Variants in MFRP observed in about 807,000 individuals in gnomAD.
MFRP encodes membrane frizzled-related protein, also known as C1q and TNF related 5.
In MFRP, 74 loss-of-function variants were observed where a neutral mutation model predicts 65.8. The observed-to-expected ratio is 1.12, with a 90% CI of 0.93 to 1.36. The LOEUF (loss-of-function observed/expected upper bound fraction) is 1.36. Among genes scored for constraint, MFRP ranks in the 40% most tolerant of loss-of-function variants. The pLI, the probability that MFRP is intolerant of heterozygous loss-of-function variation, is 0.00. For synonymous variants in MFRP, 336 were observed against 288.3 expected (o/e 1.17, Z -1.68); for missense variants, 838 against 736.0 (o/e 1.14, Z -1.60).
chr11:119,340,146 G>T, intron 14 of MFRP, 38 bp downstream of exon 14: 1 of 1,502,672 alleles, frequency 6.7e-7, no homozygotes, highest in African/African-American at 1.5e-5. Context: ...GCGCCTGCTC[G>T]GACATCGCCA....
Position 119,342,710 on chromosome 11 carries a change from C to T in MFRP, c.1273G>A (p.Glu425Lys). Residue 425 changes from glutamate (E) to lysine (K), a missense_variant, in exon 11 of 15, where the codon GAG (glutamate) becomes AAG (lysine). Physicochemically the swap from Glu to Lys is moderately conservative, Grantham distance 56 (BLOSUM62 1). Transcript: ENST00000619721. Reference sequence around the variant, plus strand: ...CACCCTCCTGCCTGGCAGGAGAGCTCACTGGGCCCACAGGGGTCTGCAGGC... The same window carrying T: ...CACCCTCCTGCCTGGCAGGAGAGCTTACTGGGCCCACAGGGGTCTGCAGGC... ...NATENPCGPS[E>K]LSCQAGGCKG... is the part of the protein sequence containing the mutation. 1 of 1,613,464 alleles carries T rather than the reference C, an allele frequency of 6.2e-7. No individual in the cohort carries two copies. Among genetic ancestry groups the T allele is most frequent in the South Asian group, 1.1e-5 (1 of 91,034 alleles).
In MFRP at chr11:119,339,852, CG is replaced by C; in HGVS notation, c.*1111-5del. On this transcript the variant is annotated splice_region_variant and splice_polypyrimidine_tract_variant and intron_variant, in intron 14 of 14. Transcript: ENST00000619721. The surrounding 1 kb of genome is among the most constrained non-coding windows in gnomAD (Gnocchi z 5.4). ...TCCCCTCGAGGTCCCGGCAGTCCTGCGGGGTAAGCGGGGCGGCAGGGTGAGA... is the reference window on the plus strand; with the variant it reads ...TCCCCTCGAGGTCCCGGCAGTCCTGCGGGTAAGCGGGGCGGCAGGGTGAGA... 1 of 1,467,296 alleles carries C rather than the reference CG, an allele frequency of 6.8e-7. No individual in the cohort carries two copies. Among genetic ancestry groups the C allele is most frequent in the East Asian group, 2.5e-5 (1 of 40,088 alleles). The allele number at this position is 1,467,296 out of a possible 1,614,324, so 90.9% of individuals were successfully genotyped here.
At chr11:119,344,783 G>A in intron 6 of MFRP, 26 bp from the exon 7 acceptor site, 1 of 1,613,838 alleles carries the variant, frequency 6.2e-7, no homozygotes, top group Non-Finnish European at 8.5e-7. Context: ...AGGAGTCAGG[G>A]AGGCCCGGAG....
At position 119,342,608 on chromosome 11, in the gene MFRP, A is replaced by G. The variant is rs765223589; in HGVS notation, c.1375T>C (p.Phe459Leu). 1.2e-6 allele frequency: 2 copies of G among 1,613,252 alleles called. No individual in the cohort carries two copies. Among genetic ancestry groups the G allele is most frequent in the South Asian group, 2.2e-5 (2 of 91,060 alleles). Residue 459 changes from phenylalanine (F) to leucine (L), a missense_variant, in exon 11 of 15, where the codon TTC becomes CTC. By Grantham distance (22) the Phe-to-Leu change is conservative. Coordinates refer to ENST00000619721, the MANE Select transcript of MFRP (RefSeq NM_031433.4). ...GSDDNCSGPL[F>L]PPPELACEPV... ...GCAGGCTTCTCACCTGGGGGTGGGA[A>G]CAAGGGGCCGCTGCAGTTGTCATCG... is the stretch of plus-strand genomic sequence containing the variant.
At chr11:119,340,558 C>T (rs1950492613) in intron 13 of MFRP, 118 bp from the exon 14 acceptor site, 3 of 740,142 alleles carry the variant, frequency 4.1e-6, no homozygotes, top group Non-Finnish European at 2.1e-6. Context: ...GCTGAGCGCT[C>T]GCAGGGCCGA....
chr11:119,344,861 G>A lies in MFRP; in HGVS notation c.772+13C>T. The A allele has an allele frequency of 6.2e-7, 1 of 1,613,376 alleles. No individual in the cohort carries two copies. The highest frequency in any genetic ancestry group is 8.5e-7 in the Non-Finnish European group (1 of 1,180,000). ...AAAGTGGACACTCAACAGGCAGGTG[G>A]GAACACACTCACCGCGCCCAGGGGC... On this transcript the variant is annotated intron_variant, in intron 6 of 14. Coordinates refer to ENST00000619721, the MANE Select transcript of MFRP (RefSeq NM_031433.4).
At chr11:119,343,703 G>C in intron 9 of MFRP, 113 bp downstream of exon 9, 1 of 1,350,338 alleles carries the variant, frequency 7.4e-7, no homozygotes. Flanking sequence ...CCCCGGCCTG[G>C]AGTAGCAGAA....
In MFRP at chr11:119,339,016, C is replaced by T; in HGVS notation, c.*1943G>A. ...GGAGCAGGAGGGGGTGGGGAGGATC[C>T]AGAGAAGCAGAGGACCAGGAAGAGA... On this transcript the variant is annotated 3_prime_UTR_variant, in exon 15 of 15. Coordinates refer to ENST00000619721, the MANE Select transcript of MFRP (RefSeq NM_031433.4). The surrounding 1 kb of genome is among the most constrained non-coding windows in gnomAD (Gnocchi z 5.4). 3.3e-6 allele frequency: 1 copy of T among 307,130 alleles called. No homozygotes were observed. Among genetic ancestry groups the T allele is most frequent in the Non-Finnish European group, 6.1e-6 (1 of 165,044 alleles). 19.0% of individuals were successfully genotyped at this position (307,130 alleles called of 1,614,324 possible).
In MFRP at chr11:119,341,339, C is replaced by T; in HGVS notation, c.*209G>A. The T allele has an allele frequency of 1.7e-6, 1 of 592,786 alleles. No homozygotes were observed. The highest frequency in any genetic ancestry group is 3.0e-6 in the Non-Finnish European group (1 of 333,154). The allele number at this position is 592,786 out of a possible 1,614,324, so 36.7% of individuals were successfully genotyped here. On this transcript the variant is annotated 3_prime_UTR_variant, in exon 13 of 15. Transcript: ENST00000619721. ...GGTGGCACAGTGTGGGGCCAGTCAG[C>T]AGCCTGGGACCGGTAAAGGGACAGG...
chr11:119,342,823 C>T (rs781215218), intron 10 of MFRP, 50 bp downstream of exon 10: 3 of 1,613,052 alleles, frequency 1.9e-6, no homozygotes, highest in South Asian at 1.1e-5. Flanking sequence ...CTTGTCTGTC[C>T]CCCTGGAGGT....
chr11:119,346,158 A>G lies in MFRP; in HGVS notation c.159T>C (p.Gly53=), dbSNP rs372897338. The stretch of plus-strand genomic sequence containing the variant: ...CTGGCCGTAGCCCTCGAGGACGCCG[A>G]CCTGCGGGTTGGCAGGTGGGGTTTT... ...ASYSVPAPWH[G]RRPRGLRPDC... Residue 53 remains glycine (G), a splice_region_variant and synonymous_variant, in exon 3 of 15, where the codon GGT becomes GGC. Transcript: ENST00000619721. The G allele has an allele frequency of 9.4e-5, 150 of 1,588,408 alleles. No individual in the cohort carries two copies. The highest frequency in any genetic ancestry group is 3.3e-4 in the Middle Eastern group (2 of 6,030).
At chr11:119,343,163 C>T in intron 9 of MFRP, among the ~76,000 whole-genome samples, 160 bp from the exon 10 acceptor site, 1 of 152,174 alleles carries the variant, frequency 6.6e-6, no homozygotes, top group Admixed American at 6.5e-5. Context: ...ATATATTCAA[C>T]AGGGAAAGCA....
In MFRP at chr11:119,345,419, C is replaced by G. The variant is rs1226217440; in HGVS notation, c.641+1G>C. The G allele has an allele frequency of 6.2e-7, 1 of 1,613,720 alleles. No individual in the cohort carries two copies. Among genetic ancestry groups the G allele is most frequent in the African/African-American group, 1.3e-5 (1 of 74,914 alleles). On this transcript the variant is annotated splice_donor_variant, in intron 5 of 14. Coordinates refer to ENST00000619721, the MANE Select transcript of MFRP (RefSeq NM_031433.4). LOFTEE classifies it high-confidence loss of function. ...GATGTCCTGGGGACAGAGGGACCTA[C>G]CTGAGGAGGGGGCCTTCAGGCTCAG...
intron 11 of MFRP, 103 bp from the exon 12 acceptor site, chr11:119,342,087 G>A: frequency 7.0e-7 from 1 of 1,433,408 alleles, no homozygotes; most frequent in South Asian, 1.2e-5. Flanking sequence ...TGGGTCCAAT[G>A]GGGGTGGTTG....
Position 119,344,228 on chromosome 11 carries a change from T to C in MFRP, c.975+87A>G, listed in dbSNP as rs1424045276. 4 of 1,284,650 alleles carry C rather than the reference T, an allele frequency of 3.1e-6. No homozygotes were observed. In the Admixed American group the frequency reaches 6.7e-5, roughly 22 times the overall value. The allele number at this position is 1,284,650 out of a possible 1,614,324, so 79.6% of individuals were successfully genotyped here. On this transcript the variant is annotated intron_variant, in intron 8 of 14. Coordinates refer to ENST00000619721, the MANE Select transcript of MFRP (RefSeq NM_031433.4). ...TGACCTTCCCAAGTAGAAGGTAGTG[T>C]CTACCATGCCATTCCCATTACACTA...
rs1322085129 is a variant in MFRP at position 119,345,942 on chromosome 11, G to A, written c.272-14C>T. 4 of 1,613,674 alleles carry A rather than the reference G, an allele frequency of 2.5e-6. No individual in the cohort carries two copies. The Admixed American group carries it at 5.0e-5, about 20-fold the overall frequency. ...CAGCCTGCAGCTCTGGAGGCGAGAA[G>A]ATGGAGGGTGGCGTTCAGAGGAGCT... On this transcript the variant is annotated splice_polypyrimidine_tract_variant and intron_variant, in intron 3 of 14. Coordinates refer to ENST00000619721, the MANE Select transcript of MFRP (RefSeq NM_031433.4).
At chr11:119,342,507 G>T (rs897162215) in intron 11 of MFRP, 89 bp downstream of exon 11, 26 of 1,539,904 alleles carry the variant, frequency 1.7e-5, no homozygotes, top group Non-Finnish European at 2.2e-5. Flanking sequence ...CCTCAGGGAG[G>T]TTGGGATGGG....
chr11:119,346,441 G>C lies in MFRP; in HGVS notation c.54+19C>G. ...CACTGGTGCTGGGTCTTAGGAGCAC[G>C]ATTCTATGTGGTCCTTACCTTGCTC... is the stretch of plus-strand genomic sequence containing the variant. On this transcript the variant is annotated intron_variant, in intron 1 of 14. Coordinates refer to ENST00000619721, the MANE Select transcript of MFRP (RefSeq NM_031433.4). 6.2e-7 allele frequency: 1 copy of C among 1,613,816 alleles called. No homozygotes were observed. The highest frequency in any genetic ancestry group is 8.5e-7 in the Non-Finnish European group (1 of 1,179,724).
chr11:119,341,546 G>T lies in MFRP; in HGVS notation c.*2C>A. ...GGAAGAGGGCAGGGGCCGGCTTCAG[G>T]GTCAGGGCTGGGCACAAGCTTCCAG... On this transcript the variant is annotated 3_prime_UTR_variant, in exon 13 of 15. Coordinates refer to ENST00000619721, the MANE Select transcript of MFRP (RefSeq NM_031433.4). 1 of 1,611,782 alleles carries T rather than the reference G, an allele frequency of 6.2e-7. No individual in the cohort carries two copies. The highest frequency in any genetic ancestry group is 8.5e-7 in the Non-Finnish European group (1 of 1,179,364).
Sources: allele counts gnomAD v4.1 joint callset (sites outside exome capture counted in the v4.1 genomes callset), GRCh38; gene constraint gnomAD v4.1.1; non-coding constraint Gnocchi (gnomAD v3.1); transcripts MANE v1.5; gene names NCBI Gene and HGNC (gene_info 2026-07-23, HGNC 2026-07-21).